Variants in TASOR observed in about 807,000 individuals in gnomAD.
TASOR encodes transcription activation suppressor.
Under a neutral mutation model 178.6 loss-of-function variants are expected in TASOR, and 53 were observed. That is an observed-to-expected ratio of 0.30 (90% CI 0.24 to 0.37). TASOR has a LOEUF of 0.37. Ranked by LOEUF, TASOR falls within the 10% of genes least tolerant of loss-of-function variation. TASOR has a pLI of 1.00. For missense variants in TASOR, 1,815 were observed against 1,971.4 expected, an observed-to-expected ratio of 0.92 and a Z score of 1.50; for synonymous variants, 713 against 696.2, an observed-to-expected ratio of 1.02 and a Z score of -0.38.
rs1214654254 is a variant in TASOR at position 56,628,512 on chromosome 3, T to C, written c.3850A>G (p.Ile1284Val). The C allele has an allele frequency of 1.2e-6, 2 of 1,603,832 alleles. No homozygotes were observed. Among genetic ancestry groups the C allele is most frequent in the Non-Finnish European group, 1.7e-6 (2 of 1,174,978 alleles). Reference sequence around the variant, plus strand: ...TCTACCTTGTGAATGAAACCTGCAATGTCTTCATTTTGAATAATAATCAAT... The same window carrying C: ...TCTACCTTGTGAATGAAACCTGCAACGTCTTCATTTTGAATAATAATCAAT... ...KLLIIIQNED[I>V]AGFIHKIPGL... Residue 1284 changes from isoleucine (I) to valine (V), a missense_variant, in exon 19 of 24, where the codon ATT becomes GTT. By Grantham distance (29) the Ile-to-Val change is conservative. Transcript: ENST00000683822.
intron 11 of TASOR, among the ~76,000 whole-genome samples, chr3:56,660,001 A>G (rs1317474589): frequency 6.6e-6 from 1 of 151,584 alleles, no homozygotes; most frequent in African/African-American, 2.4e-5. Flanking sequence ...CAGCCTCCCC[A>G]GTAGCTGAGA....
In TASOR at chr3:56,620,353, A is replaced by C. The variant is rs527583649; in HGVS notation, c.*2684T>G. The C allele has an allele frequency of 4.6e-5, 7 of 153,096 alleles. No individual in the cohort carries two copies. Among genetic ancestry groups the C allele is most frequent in the African/African-American group, 1.7e-4 (7 of 41,454 alleles). 9.5% of individuals were successfully genotyped at this position (153,096 alleles called of 1,614,324 possible). A position where few individuals can be genotyped will look rare whatever the true frequency, so the allele number is the denominator to read the frequency against. On this transcript the variant is annotated 3_prime_UTR_variant, in exon 24 of 24. Coordinates refer to ENST00000683822, the MANE Select transcript of TASOR (RefSeq NM_001365635.2). ...TGAAATTATACGCATAACCTTACTC[A>C]CCATACTACTTTTTCTCCCAAACTA...
At chr3:56,679,303 T>C (rs181935499) in intron 1 of TASOR, among the ~76,000 whole-genome samples, 4 of 152,288 alleles carry the variant, frequency 2.6e-5, no homozygotes, top group Admixed American at 2.6e-4. Flanking sequence ...ATCAACAAGG[T>C]TGAACATAGT....
chr3:56,665,088 G>A (rs1420498603), intron 7 of TASOR, among the ~76,000 whole-genome samples: 1 of 152,072 alleles, frequency 6.6e-6, no homozygotes, highest in African/African-American at 2.4e-5. Flanking sequence ...GCACACAGGG[G>A]TTTGAGGCTG....
intron 18 of TASOR, among the ~76,000 whole-genome samples, chr3:56,629,303 T>A (rs1008269569): frequency 6.6e-6 from 1 of 152,082 alleles, no homozygotes; most frequent in Non-Finnish European, 1.5e-5. Context: ...AGGTTGACTA[T>A]AATATCCTAT....
At chr3:56,664,273 A>C (rs1404335746) in intron 7 of TASOR, 1 of 152,224 alleles carries the variant, frequency 6.6e-6, no homozygotes, top group Non-Finnish European at 1.5e-5. Context: ...TGCTCCTTTG[A>C]AATGATATAG....
rs58944810 is a variant in TASOR at position 56,628,929 on chromosome 3, ATTTTTTT to A, written c.3748-322_3748-316del. On this transcript the variant is annotated intron_variant, in intron 18 of 23. Coordinates refer to ENST00000683822, the MANE Select transcript of TASOR (RefSeq NM_001365635.2). ...AGGCTCGCACCACCATACCAGGCTA[ATTTTTTT>A]TTTTTTTTTTTTTTTTGTAAGAGAC... The A allele has an allele frequency of 6.4e-3, 779 of 122,264 alleles. 2 individuals are homozygous for A. The highest frequency in any genetic ancestry group is 9.5e-3 in the Non-Finnish European group (585 of 61,654). 7.6% of individuals were successfully genotyped at this position (122,264 alleles called of 1,614,324 possible).
rs566825637 is a variant in TASOR at position 56,638,723 on chromosome 3, C to T, written c.2807G>A (p.Gly936Asp). 2.0e-5 allele frequency: 32 copies of T among 1,614,096 alleles called. No homozygotes were observed. Among genetic ancestry groups the T allele is most frequent in the Admixed American group, 1.8e-4 (11 of 60,018 alleles). ...CTTCTCACCTGGTGTTTGTTTCTCA[C>T]CATGTTTCCCCAGCTGGTCTTCTGG... is the stretch of plus-strand genomic sequence containing the variant. ...RSPEDQLGKH[G>D]EKQTPGMKSP... The change falls in exon 17 of 24, where the codon GGT (glycine) becomes GAT (aspartate). Residue 936 changes from glycine (G) to aspartate (D), a missense_variant. Physicochemically the swap from Gly to Asp is moderately conservative, Grantham distance 94. Coordinates refer to ENST00000683822, the MANE Select transcript of TASOR (RefSeq NM_001365635.2).
At chr3:56,664,187 A>G (rs188997170) in intron 7 of TASOR, 1 of 152,310 alleles carries the variant, frequency 6.6e-6, no homozygotes, top group East Asian at 1.9e-4. Context: ...GGAAAGTGAG[A>G]GAACAGCAAA....
chr3:56,666,048 T>C (rs2029926128), intron 7 of TASOR, among the ~76,000 whole-genome samples: 1 of 152,122 alleles, frequency 6.6e-6, no homozygotes, highest in South Asian at 2.1e-4. Flanking sequence ...GAGGTTTAAA[T>C]TTTAGCTTGT....
At position 56,638,927 on chromosome 3, in the gene TASOR, T is replaced by C. The variant is rs554545148; in HGVS notation, c.2765-162A>G. ...TGATGGAATATCAACACTTAAGACA[T>C]TGTACCTTCAAATGACCCAACACCA... On this transcript the variant is annotated intron_variant, in intron 16 of 23. Coordinates refer to ENST00000683822, the MANE Select transcript of TASOR (RefSeq NM_001365635.2). Among the ~76,000 whole-genome samples, 311 of 152,306 alleles carry C rather than the reference T, an allele frequency of 2.0e-3. 12 individuals carry two copies. In the South Asian group the frequency reaches 0.058, roughly 28 times the overall value.
In TASOR at chr3:56,652,556, T is replaced by TA. The variant is rs11361541; in HGVS notation, c.1369-3500dup. 3.4e-3 allele frequency among the ~76,000 whole-genome samples: 485 copies of TA among 141,940 alleles called. 1 individual carries two copies. Among genetic ancestry groups the TA allele is most frequent in the African/African-American group, 4.8e-3 (185 of 38,754 alleles). The allele number at this position is 141,940 out of a possible 152,430, so 93.1% of individuals were successfully genotyped here. A position where few individuals can be genotyped will look rare whatever the true frequency, so the allele number is the denominator to read the frequency against. On this transcript the variant is annotated intron_variant, in intron 11 of 23. Coordinates refer to ENST00000683822, the MANE Select transcript of TASOR (RefSeq NM_001365635.2). ...ATGACAAAGCAAGACCCTGCCTATTTAAAAAAAAAAAAAAAATGGCTAAAA... is the reference window on the plus strand; with the variant it reads ...ATGACAAAGCAAGACCCTGCCTATTTAAAAAAAAAAAAAAAAATGGCTAAAA...
intron 14 of TASOR, among the ~76,000 whole-genome samples, chr3:56,645,380 C>G (rs1438581870): frequency 6.6e-6 from 1 of 152,166 alleles, no homozygotes; most frequent in African/African-American, 2.4e-5. Flanking sequence ...CTAACCTAGA[C>G]TAAGACACTG....
At chr3:56,673,375 T>G (rs899954413) in intron 2 of TASOR, among the ~76,000 whole-genome samples, 1 of 134,916 alleles carries the variant, frequency 7.4e-6, no homozygotes, top group East Asian at 2.1e-4. Context: ...GAGGCTGTAG[T>G]GAGCCGAGAT....
At chr3:56,668,300 A>G in intron 6 of TASOR, 97 bp downstream of exon 6, 1 of 1,148,714 alleles carries the variant, frequency 8.7e-7, no homozygotes, top group South Asian at 1.5e-5. Flanking sequence ...AGTCTAGACT[A>G]ATGTGGGGAC....
chr3:56,675,890 G>A (rs1447658753), intron 1 of TASOR, among the ~76,000 whole-genome samples: 5 of 152,136 alleles, frequency 3.3e-5, no homozygotes, highest in African/African-American at 1.2e-4. Flanking sequence ...ATTTACCAAA[G>A]CATGTATATA....
At chr3:56,653,286 A>G (rs1311053351) in intron 11 of TASOR, among the ~76,000 whole-genome samples, 1 of 96,876 alleles carries the variant, frequency 1.0e-5, no homozygotes, top group Non-Finnish European at 1.8e-5. Context: ...AAAAAAAAAA[A>G]AAAGAAAAGA....
At chr3:56,670,940 C>CAAAAAAAA (rs11300845) in intron 3 of TASOR, among the ~76,000 whole-genome samples, 1,103 of 54,084 alleles carry the variant, frequency 0.02, 57 homozygotes, top group East Asian at 0.038. Flanking sequence ...GACTCCATCT[C>CAAAAAAAA]AAAAAAAAAA....
chr3:56,623,722 C>G, intron 23 of TASOR, 156 bp from the exon 24 acceptor site: 1 of 1,545,272 alleles, frequency 6.5e-7, no homozygotes. Flanking sequence ...TTAGTCACAA[C>G]ACTCACACTA....
Sources: gnomAD v4.1 joint callset for allele counts (sites outside exome capture counted in the v4.1 genomes callset) on GRCh38, gnomAD v4.1.1 for gene constraint, MANE v1.5 for transcripts, NCBI Gene and HGNC (gene_info 2026-07-23, HGNC 2026-07-21) for gene names.